CDH12: variants seen among roughly 807,000 people sequenced by gnomAD.
CDH12 encodes the protein cadherin 12, also known as cadherin-12.
Under a neutral mutation model 74.1 loss-of-function variants are expected in CDH12, and 41 were observed. That is an observed-to-expected ratio of 0.55 (90% confidence interval 0.43 to 0.72). CDH12 has a LOEUF of 0.72. CDH12 is among the 30% of genes least tolerant of loss of function. The pLI is 0.00. For missense variants in CDH12, 945 were observed against 977.2 expected, an observed-to-expected ratio of 0.97 and a Z score of 0.44; for synonymous variants, 399 against 355.0, an observed-to-expected ratio of 1.12 and a Z score of -1.39.
At chr5:22,629,790 G>T (rs1012582174) in intron 1 of CDH12, among the ~76,000 whole-genome samples, 1 of 151,960 alleles carries the variant, frequency 6.6e-6, no homozygotes, top group African/African-American at 2.4e-5. Flanking sequence ...GAAATAAATG[G>T]CATCCAAATA....
At chr5:22,271,608 C>T (rs566584626) in intron 3 of CDH12, among the ~76,000 whole-genome samples, 2 of 152,020 alleles carry the variant, frequency 1.3e-5, no homozygotes. Flanking sequence ...GAAACTATAG[C>T]CTTATGTGAG....
intron 3 of CDH12, among the ~76,000 whole-genome samples, chr5:22,376,661 C>G (rs933174747): frequency 2.7e-5 from 4 of 149,356 alleles, no homozygotes; most frequent in Admixed American, 6.7e-5. Flanking sequence ...GGACTACAGG[C>G]ATGTGCCACT....
chr5:22,008,793 T>G (rs1194119887), intron 5 of CDH12, among the ~76,000 whole-genome samples: 1 of 152,106 alleles, frequency 6.6e-6, no homozygotes, highest in Non-Finnish European at 1.5e-5. Context: ...TGCGACCATT[T>G]TAAAACCACA....
chr5:21,854,607 G>T, intron 7 of CDH12, 64 bp downstream of exon 7: 1 of 1,356,344 alleles, frequency 7.4e-7, no homozygotes, highest in Non-Finnish European at 1.0e-6. Context: ...CCCATGCCAA[G>T]ATTTAATTAA....
At chr5:22,311,965 G>A (rs1738413536) in intron 3 of CDH12, among the ~76,000 whole-genome samples, 1 of 151,956 alleles carries the variant, frequency 6.6e-6, no homozygotes, top group South Asian at 2.1e-4. Flanking sequence ...AAAATATGAT[G>A]TGTCCCCAAA....
In CDH12 at chr5:22,359,962, C is replaced by T. The variant is rs184292487; in HGVS notation, c.-333+45295G>A. Among the ~76,000 whole-genome samples, 499 of 151,804 alleles carry T rather than the reference C, an allele frequency of 3.3e-3. 3 individuals are homozygous for T. The highest frequency in any genetic ancestry group is 0.011 in the African/African-American group (473 of 41,368). ...AGAGGGAAATTTATAGCACTAAATG[C>T]CCACAAAAGAAAGCAGGAAAGATCT... is the stretch of plus-strand genomic sequence containing the variant. On this transcript the variant is annotated intron_variant, in intron 3 of 14. Coordinates refer to ENST00000382254, the MANE Select transcript of CDH12 (RefSeq NM_004061.5).
chr5:22,521,304 C>A (rs1246109883), intron 1 of CDH12, among the ~76,000 whole-genome samples: 1 of 151,694 alleles, frequency 6.6e-6, no homozygotes, highest in Non-Finnish European at 1.5e-5. Flanking sequence ...TTTTTAAACT[C>A]ATCTATTTTA....
At chr5:22,097,715 C>T (rs1200098206) in intron 4 of CDH12, among the ~76,000 whole-genome samples, 3 of 152,058 alleles carry the variant, frequency 2.0e-5, no homozygotes, top group Non-Finnish European at 1.5e-5. Flanking sequence ...CCTTGTATCT[C>T]CCCACCTAAA....
chr5:21,804,889 G>A (rs1437187281), intron 9 of CDH12, among the ~76,000 whole-genome samples: 2 of 152,040 alleles, frequency 1.3e-5, no homozygotes, highest in Non-Finnish European at 2.9e-5. Flanking sequence ...AGAAGATATC[G>A]GAGAGAGAAT....
chr5:22,304,186 T>C (rs1315409207), intron 3 of CDH12, among the ~76,000 whole-genome samples: 1 of 152,100 alleles, frequency 6.6e-6, no homozygotes, highest in Non-Finnish European at 1.5e-5. Context: ...CCAGGACAGT[T>C]TGGAGAGTTA....
intron 2 of CDH12, among the ~76,000 whole-genome samples, chr5:22,475,514 C>T (rs552179035): frequency 6.6e-6 from 1 of 151,790 alleles, no homozygotes; most frequent in Non-Finnish European, 1.5e-5. Flanking sequence ...AGAAGGGATG[C>T]ACCACGATAC....
At chr5:22,273,648 T>C (rs1346446429) in intron 3 of CDH12, among the ~76,000 whole-genome samples, 3 of 152,212 alleles carry the variant, frequency 2.0e-5, no homozygotes, top group Non-Finnish European at 4.4e-5. Flanking sequence ...AAAGTTGCAA[T>C]GATAGAAGTA....
intron 1 of CDH12, among the ~76,000 whole-genome samples, chr5:22,755,369 T>A (rs1745838495): frequency 6.6e-6 from 1 of 152,190 alleles, no homozygotes; most frequent in South Asian, 2.1e-4. Flanking sequence ...CACATGAACT[T>A]GTCAGTGGTA....
At chr5:22,532,185 A>G (rs1737613423) in intron 1 of CDH12, among the ~76,000 whole-genome samples, 1 of 151,042 alleles carries the variant, frequency 6.6e-6, no homozygotes, top group Non-Finnish European at 1.5e-5. Context: ...TCGCCCTGGC[A>G]CAGTTACACA....
rs193111299 is a variant in CDH12, at chr5:22,344,724, G to C, written c.-333+60533C>G. On this transcript the variant is annotated intron_variant, in intron 3 of 14. Transcript: ENST00000382254. ...TAATTAAAAAGCATGAAAGCAATATGTATTTTCCAGGATCATTTTGTGTCT... is the reference window on the plus strand; with the variant it reads ...TAATTAAAAAGCATGAAAGCAATATCTATTTTCCAGGATCATTTTGTGTCT... Among the ~76,000 whole-genome samples the C allele has an allele frequency of 3.0e-3, 456 of 152,234 alleles. 3 individuals are homozygous for C. The highest frequency in any genetic ancestry group is 0.01 in the African/African-American group (433 of 41,540).
intron 1 of CDH12, among the ~76,000 whole-genome samples, chr5:22,763,650 TAAGAG>T (rs1746345418): frequency 6.6e-6 from 1 of 151,942 alleles, no homozygotes; most frequent in African/African-American, 2.4e-5. Context: ...CCTATAAAAG[TAAGAG>T]TAGAAAACCT....
intron 1 of CDH12, among the ~76,000 whole-genome samples, chr5:22,811,045 A>G (rs914261754): frequency 6.8e-6 from 1 of 146,612 alleles, no homozygotes; most frequent in African/African-American, 2.7e-5. Flanking sequence ...AAATATATAC[A>G]TACATACACA....
intron 1 of CDH12, among the ~76,000 whole-genome samples, chr5:22,622,474 A>G (rs1368814083): frequency 6.6e-6 from 1 of 152,170 alleles, no homozygotes; most frequent in Non-Finnish European, 1.5e-5. Context: ...TGCAATAAAA[A>G]AATGATAAAG....
At chr5:22,087,755 A>G (rs779699723) in intron 4 of CDH12, among the ~76,000 whole-genome samples, 1 of 152,232 alleles carries the variant, frequency 6.6e-6, no homozygotes, top group Non-Finnish European at 1.5e-5. Context: ...TTATTTAACC[A>G]TGTGTTGAAG....
Sources: allele counts gnomAD v4.1 joint callset (sites outside exome capture counted in the v4.1 genomes callset), GRCh38; gene constraint gnomAD v4.1.1; transcripts MANE v1.5; gene names NCBI Gene and HGNC (gene_info 2026-07-23, HGNC 2026-07-21).